PNPLA1: variants seen among roughly 807,000 people sequenced by gnomAD.
The protein encoded by PNPLA1 is omega-hydroxyceramide transacylase.
In PNPLA1, 36 loss-of-function variants were observed where a neutral mutation model predicts 51.7. The observed-to-expected ratio is 0.70, with a 90% confidence interval of 0.53 to 0.92. PNPLA1 has a LOEUF of 0.92. Ranked by LOEUF, PNPLA1 falls within the 40% of genes least tolerant of loss-of-function variation. The pLI is 0.00. For missense variants in PNPLA1, 658 were observed against 682.5 expected (o/e 0.96, Z 0.40); for synonymous variants, 293 against 280.1 (o/e 1.05, Z -0.46).
At chr6:36,275,847 T>C (rs1015428944) in intron 1 of PNPLA1, among the ~76,000 whole-genome samples, 4 of 152,228 alleles carry the variant, frequency 2.6e-5, no homozygotes, top group Non-Finnish European at 5.9e-5. Context: ...GGTCTTTTTG[T>C]GTCCTTCAGT....
chr6:36,267,609 T>G (rs988220465), upstream of PNPLA1, among the ~76,000 whole-genome samples: 4 of 152,136 alleles, frequency 2.6e-5, no homozygotes, highest in Non-Finnish European at 2.9e-5. Context: ...CCCAGGTGCC[T>G]GAAGCCCATG....
chr6:36,247,220 C>G (rs539186344), intron 1 of PNPLA1, among the ~76,000 whole-genome samples: 22 of 152,322 alleles, frequency 1.4e-4, no homozygotes, highest in Non-Finnish European at 2.9e-4. Context: ...CCCTCAGGGC[C>G]CCACAGACTA....
In PNPLA1 at chr6:36,291,501, C is replaced by T. The variant is rs200806519; in HGVS notation, c.387C>T (p.Asp129=). 20 of 1,351,030 alleles carry T rather than the reference C, an allele frequency of 1.5e-5. No individual in the cohort carries two copies. Among genetic ancestry groups the T allele is most frequent in the African/African-American group, 8.4e-5 (5 of 59,856 alleles). The allele number at this position is 1,351,030 out of a possible 1,614,324, so 83.7% of individuals were successfully genotyped here. The change falls in exon 2 of 9, where the codon GAC becomes GAT. Residue 129 remains aspartate, a synonymous_variant. Coordinates refer to ENST00000636260, the MANE Select transcript of PNPLA1 (RefSeq NM_001374623.1). Reference sequence around the variant, plus strand: ...ATGTGAGCCTCACCCGCTTAACGGACGGGGAGAATGTGGTGGTTTCAGAGT... The same window carrying T: ...ATGTGAGCCTCACCCGCTTAACGGATGGGGAGAATGTGGTGGTTTCAGAGT... ...KLHVSLTRLT[D]GENVVVSEFT...
At chr6:36,309,159 A>T (rs1198105233) in intron 8 of PNPLA1, among the ~76,000 whole-genome samples, 1 of 152,174 alleles carries the variant, frequency 6.6e-6, no homozygotes, top group Non-Finnish European at 1.5e-5. Flanking sequence ...TAAGCAATGC[A>T]CTTGATGAGT....
At chr6:36,308,672 C>T (rs917637240) in intron 8 of PNPLA1, 2 of 152,200 alleles carry the variant, frequency 1.3e-5, no homozygotes, top group African/African-American at 4.8e-5. Context: ...ATCTGATGAA[C>T]TTTGAGTCCC....
chr6:36,265,855 C>T (rs145948605), upstream of PNPLA1, among the ~76,000 whole-genome samples: 2 of 152,280 alleles, frequency 1.3e-5, no homozygotes, highest in Non-Finnish European at 2.9e-5. Context: ...TAATACCCAC[C>T]CTCTGGTATT....
chr6:36,295,295 G>A, intron 4 of PNPLA1, 69 bp from the exon 5 acceptor site: 2 of 1,529,574 alleles, frequency 1.3e-6, no homozygotes, highest in Non-Finnish European at 1.8e-6. Context: ...TAGCTGCCCT[G>A]GGTCGGGGGA....
chr6:36,304,041 G>A (rs1289391581), intron 6 of PNPLA1, among the ~76,000 whole-genome samples: 1 of 152,172 alleles, frequency 6.6e-6, no homozygotes, highest in East Asian at 1.9e-4. Flanking sequence ...TTCCGATTTT[G>A]TTTATTTAAA....
At chr6:36,255,501 G>A (rs560041604) in intron 1 of PNPLA1, among the ~76,000 whole-genome samples, 1 of 151,868 alleles carries the variant, frequency 6.6e-6, no homozygotes, top group South Asian at 2.1e-4. Context: ...GTGAAACTCT[G>A]TTTCAAAAAA....
chr6:36,282,991 G>GT (rs147715076), intron 1 of PNPLA1, among the ~76,000 whole-genome samples: 1 of 152,030 alleles, frequency 6.6e-6, no homozygotes, highest in Non-Finnish European at 1.5e-5. Flanking sequence ...CCTGATCTGT[G>GT]TTTTTTTAAA....
At chr6:36,262,252 C>T (rs963051774) in intron 1 of PNPLA1, among the ~76,000 whole-genome samples, 2 of 144,686 alleles carry the variant, frequency 1.4e-5, no homozygotes, top group Admixed American at 1.4e-4. Flanking sequence ...CCCACCCTAC[C>T]TCTGTCCCAC....
chr6:36,263,858 G>A (rs1003199037), intron 1 of PNPLA1, among the ~76,000 whole-genome samples: 2 of 152,144 alleles, frequency 1.3e-5, no homozygotes, highest in African/African-American at 2.4e-5. Flanking sequence ...AAATCACCCA[G>A]AGCCAGGCAC....
At chr6:36,302,524 G>A in intron 6 of PNPLA1, 55 bp downstream of exon 6, 1 of 1,510,858 alleles carries the variant, frequency 6.6e-7, no homozygotes, top group Non-Finnish European at 8.8e-7. Context: ...CCCTTGGCAA[G>A]CGAGCAAGGA....
In PNPLA1 at chr6:36,270,463, G is replaced by A. The variant is rs1769877226; in HGVS notation, c.4G>A (p.Glu2Lys). 3 of 1,551,230 alleles carry A rather than the reference G, an allele frequency of 1.9e-6. No individual in the cohort carries two copies. Among genetic ancestry groups the A allele is most frequent in the Non-Finnish European group, 1.7e-6 (2 of 1,146,988 alleles). ...CAGAAAGTCAGAGGCCGAGGAGATG[G>A]AAGAACAGGTGTTCAAGGGGGACCC... Reference protein sequence around the residue: MEEQVFKGDPDT... With the variant: MKEQVFKGDPDT... The change falls in exon 1 of 9, where the codon GAA becomes AAA. Residue 2 changes from glutamate to lysine, a missense_variant. Glu to Lys is a moderately conservative substitution (Grantham distance 56). Transcript: ENST00000636260.
At chr6:36,282,932 C>T (rs985319989) in intron 1 of PNPLA1, among the ~76,000 whole-genome samples, 5 of 152,192 alleles carry the variant, frequency 3.3e-5, no homozygotes, top group African/African-American at 1.2e-4. Flanking sequence ...ATCTGCCCAC[C>T]TTGGCCTCCC....
intron 1 of PNPLA1, among the ~76,000 whole-genome samples, chr6:36,250,581 A>G (rs559203775): frequency 6.6e-5 from 10 of 152,202 alleles, no homozygotes; most frequent in Non-Finnish European, 1.3e-4. Context: ...ACAAATATTT[A>G]TTGAGTGTCT....
intron 2 of PNPLA1, among the ~76,000 whole-genome samples, chr6:36,291,774 C>T (rs554995602): frequency 1.3e-5 from 2 of 152,338 alleles, no homozygotes; most frequent in African/African-American, 2.4e-5. Flanking sequence ...CTCAATGCTT[C>T]GGCCTTCACA....
intron 5 of PNPLA1, among the ~76,000 whole-genome samples, chr6:36,297,442 G>A (rs1366538818): frequency 6.6e-6 from 1 of 152,142 alleles, no homozygotes; most frequent in Non-Finnish European, 1.5e-5. Context: ...AACAGAAAAT[G>A]GGAGTCCGCC....
intron 5 of PNPLA1, 107 bp from the exon 6 acceptor site, chr6:36,301,754 T>C: frequency 1.4e-6 from 2 of 1,405,794 alleles, no homozygotes; most frequent in Non-Finnish European, 9.6e-7. Flanking sequence ...CAGAAAGACC[T>C]TTGAAAAGCA....
Sources: allele counts gnomAD v4.1 joint callset (sites outside exome capture counted in the v4.1 genomes callset), GRCh38; gene constraint gnomAD v4.1.1; transcripts MANE v1.5; gene names NCBI Gene and HGNC (gene_info 2026-07-23, HGNC 2026-07-21).